ITPKC: variants seen among roughly 807,000 people sequenced by gnomAD.
ITPKC encodes IP3 3-kinase C.
A neutral mutation model predicts 67.1 loss-of-function variants in ITPKC; 33 were observed. The observed-to-expected ratio is 0.49, with a 90% CI of 0.37 to 0.66. The LOEUF is 0.66. Ranked by LOEUF, ITPKC falls within the 30% of genes least tolerant of loss-of-function variation. The pLI is 0.00. For synonymous variants in ITPKC, 341 were observed against 359.8 expected (o/e 0.95, Z 0.59); for missense variants, 820 against 892.1 (o/e 0.92, Z 1.03).
rs61737678 is a variant in ITPKC, at chr19:40,718,202, G to A, written c.1067G>A (p.Gly356Asp). The change falls in exon 1 of 7, where the codon GGC becomes GAC. Residue 356 changes from glycine (G) to aspartate (D), a missense_variant. Coordinates refer to ENST00000263370, the MANE Select transcript of ITPKC (RefSeq NM_025194.3). Reference protein sequence around the residue: ...PPSRVEGGSGGFSSASSFDES... With the variant: ...PPSRVEGGSGDFSSASSFDES... ...TCCCGGGTTGAGGGGGGCAGCGGCG[G>A]CTTCTCCTCTGCCTCTTCTTTCGAC... 19 of 1,565,030 alleles carry A rather than the reference G, an allele frequency of 1.2e-5. No individual in the cohort carries two copies. Among genetic ancestry groups the A allele is most frequent in the Non-Finnish European group, 1.5e-5 (17 of 1,159,954 alleles).
intron 2 of ITPKC, among the ~76,000 whole-genome samples, chr19:40,726,592 A>G (rs778154320): frequency 2.0e-5 from 3 of 152,226 alleles, no homozygotes; most frequent in Non-Finnish European, 4.4e-5. Flanking sequence ...CTGGACTAGA[A>G]AAGTGTGCCC....
intron 4 of ITPKC, among the ~76,000 whole-genome samples, chr19:40,734,264 A>G (rs964425569): frequency 6.6e-6 from 1 of 152,036 alleles, no homozygotes; most frequent in Non-Finnish European, 1.5e-5. Flanking sequence ...CTGGTCCCCT[A>G]TAGACAGACA....
chr19:40,725,474 G>A (rs752522995), intron 2 of ITPKC, 35 bp downstream of exon 2: 1 of 1,389,030 alleles, frequency 7.2e-7, no homozygotes, highest in Admixed American at 1.7e-5. Flanking sequence ...GCTGGGCAGA[G>A]TCTCCTGGGC....
chr19:40,733,192 G>A lies in ITPKC; in HGVS notation c.1502G>A (p.Arg501Gln), dbSNP rs546922007. Residue 501 changes from arginine to glutamine, a missense_variant, in exon 4 of 7, where the codon CGG (arginine) becomes CAG (glutamine). By Grantham distance (43) the Arg-to-Gln change is conservative (BLOSUM62 1). Around this residue, in one of 2 missense-constraint regions of ITPKC, gnomAD observed 339 missense variants for 422.0 expected, o/e 0.80. Transcript: ENST00000263370. Reference sequence around the variant, plus strand: ...CTGGAAGAGGAGCTAGTGAAGGCACGGGAACGTCCCCGTCCCCGGAAGGAC... The same window carrying A: ...CTGGAAGAGGAGCTAGTGAAGGCACAGGAACGTCCCCGTCCCCGGAAGGAC... Reference protein sequence around the residue: ...TYLEEELVKARERPRPRKDMY... With the variant: ...TYLEEELVKAQERPRPRKDMY... 272 of 1,614,188 alleles carry A rather than the reference G, an allele frequency of 1.7e-4. 1 individual carries two copies. The South Asian group carries it at 2.1e-3, about 13-fold the overall frequency.
intron 1 of ITPKC, among the ~76,000 whole-genome samples, chr19:40,723,932 A>G (rs2082234226): frequency 6.6e-6 from 1 of 152,148 alleles, no homozygotes; most frequent in Non-Finnish European, 1.5e-5. Context: ...TATACTACAC[A>G]TTGGTCACAG....
intron 1 of ITPKC, among the ~76,000 whole-genome samples, chr19:40,722,000 CA>C (rs5828078): frequency 7.2e-4 from 102 of 142,460 alleles, no homozygotes; most frequent in Middle Eastern, 7.1e-3. Context: ...GATCCTGTCT[CA>C]AAAAAAAAAA....
At chr19:40,725,958 T>G (rs1383811454) in intron 2 of ITPKC, among the ~76,000 whole-genome samples, 5 of 150,766 alleles carry the variant, frequency 3.3e-5, no homozygotes, top group African/African-American at 1.2e-4. Context: ...AAAAAAAGAT[T>G]GGCTGGGCGC....
At chr19:40,718,555 A>G (rs1329090985) in intron 1 of ITPKC, among the ~76,000 whole-genome samples, 2 of 152,056 alleles carry the variant, frequency 1.3e-5, no homozygotes, top group African/African-American at 2.4e-5. Flanking sequence ...GACCGACTTT[A>G]TGGGGCCCAG....
rs1020845586 is a variant in ITPKC at position 40,733,985 on chromosome 19, A to G, written c.1674+621A>G. 2.6e-5 allele frequency among the ~76,000 whole-genome samples: 4 copies of G among 152,042 alleles called. No individual in the cohort carries two copies. The South Asian group carries it at 6.2e-4, about 24-fold the overall frequency. On this transcript the variant is annotated intron_variant, in intron 4 of 6. Transcript: ENST00000263370. Reference sequence around the variant, plus strand: ...TAAATGTGGAGAAATTTCTCTCCCAACTCTGCTGCTGTCCTTCCCATTCTG... The same window carrying G: ...TAAATGTGGAGAAATTTCTCTCCCAGCTCTGCTGCTGTCCTTCCCATTCTG...
intron 3 of ITPKC, among the ~76,000 whole-genome samples, chr19:40,729,708 G>A (rs967403290): frequency 2.0e-5 from 3 of 151,846 alleles, no homozygotes; most frequent in South Asian, 2.1e-4. Context: ...TGGAGGTTGC[G>A]GTGAGCTGAG....
intron 2 of ITPKC, 34 bp downstream of exon 2, chr19:40,725,473 A>G: frequency 7.1e-7 from 1 of 1,400,320 alleles, no homozygotes; most frequent in Non-Finnish European, 1.0e-6. Context: ...AGCTGGGCAG[A>G]GTCTCCTGGG....
At chr19:40,727,651 G>A (rs1599651053) in intron 2 of ITPKC, among the ~76,000 whole-genome samples, 1 of 152,272 alleles carries the variant, frequency 6.6e-6, no homozygotes, top group East Asian at 1.9e-4. Context: ...GCTTTGCCAT[G>A]TAGCTCCTTG....
chr19:40,722,868 C>T (rs1193409188), intron 1 of ITPKC, among the ~76,000 whole-genome samples: 1 of 151,926 alleles, frequency 6.6e-6, no homozygotes, highest in Non-Finnish European at 1.5e-5. Flanking sequence ...CCTCACCCTC[C>T]AGGGCTCAAG....
At chr19:40,726,028 G>A (rs909044730) in intron 2 of ITPKC, among the ~76,000 whole-genome samples, 1 of 152,072 alleles carries the variant, frequency 6.6e-6, no homozygotes, top group African/African-American at 2.4e-5. Context: ...ATCCCCTGAG[G>A]TCAGGAGTTT....
intron 1 of ITPKC, among the ~76,000 whole-genome samples, chr19:40,722,033 C>A (rs2082225108): frequency 6.6e-6 from 1 of 151,906 alleles, no homozygotes; most frequent in Non-Finnish European, 1.5e-5. Flanking sequence ...AAAAAAATCC[C>A]AACTAACATT....
At chr19:40,734,207 G>T (rs1403393362) in intron 4 of ITPKC, among the ~76,000 whole-genome samples, 1 of 151,140 alleles carries the variant, frequency 6.6e-6, no homozygotes, top group African/African-American at 2.4e-5. Flanking sequence ...TCCTCTTTCT[G>T]TTTTTTTTTC....
chr19:40,738,790 C>T (rs976251250), intron 6 of ITPKC, among the ~76,000 whole-genome samples: 7 of 152,184 alleles, frequency 4.6e-5, no homozygotes, highest in Non-Finnish European at 4.4e-5. Context: ...ATCCTACAGT[C>T]GACCCCTTAT....
intron 4 of ITPKC, among the ~76,000 whole-genome samples, chr19:40,736,397 G>A (rs1302372673): frequency 1.3e-5 from 2 of 152,138 alleles, no homozygotes; most frequent in African/African-American, 2.4e-5. Flanking sequence ...GGAAGGGTGT[G>A]GAAGGACTGG....
chr19:40,729,883 G>A lies in ITPKC; in HGVS notation c.1469+468G>A, dbSNP rs1287701773. Among the ~76,000 whole-genome samples, 5 of 152,142 alleles carry A rather than the reference G, an allele frequency of 3.3e-5. 1 individual carries two copies. In the East Asian group the frequency reaches 7.7e-4, roughly 23 times the overall value. Reference sequence around the variant, plus strand: ...GTTACAGTCGTCCCAGATTCTCACCGGTGCTTGGTACTGTCTGTTTTATTA... The same window carrying A: ...GTTACAGTCGTCCCAGATTCTCACCAGTGCTTGGTACTGTCTGTTTTATTA... On this transcript the variant is annotated intron_variant, in intron 3 of 6. Coordinates refer to ENST00000263370, the MANE Select transcript of ITPKC (RefSeq NM_025194.3).
Sources: allele counts gnomAD v4.1 joint callset (sites outside exome capture counted in the v4.1 genomes callset), GRCh38; gene constraint gnomAD v4.1.1; regional missense constraint gnomAD v4.1.1; transcripts MANE v1.5; gene names NCBI Gene and HGNC (gene_info 2026-07-23, HGNC 2026-07-21).